PARP16: variants seen among roughly 807,000 people sequenced by gnomAD.
The protein encoded by PARP16 is poly(ADP-ribose) polymerase family member 16, also known as protein mono-ADP-ribosyltransferase PARP16.
In PARP16, 31 loss-of-function variants were observed where a neutral mutation model predicts 35.0. That is an observed-to-expected ratio of 0.88 (90% confidence interval 0.66 to 1.19). The LOEUF (loss-of-function observed/expected upper bound fraction) is 1.19. Ranked by LOEUF, PARP16 falls within the 50% of genes most tolerant of loss-of-function variation. PARP16 has a pLI of 0.00. For synonymous variants in PARP16, 162 were observed against 169.5 expected, an observed-to-expected ratio of 0.96 and a Z score of 0.34; for missense variants, 424 against 411.2, an observed-to-expected ratio of 1.03 and a Z score of -0.27.
At chr15:65,244,643 C>T (rs957060351) in intron 3 of PARP16, among the ~76,000 whole-genome samples, 11 of 152,212 alleles carry the variant, frequency 7.2e-5, no homozygotes, top group Admixed American at 7.2e-4. Context: ...CACAGCCAAG[C>T]CATATGGCTT....
intron 3 of PARP16, among the ~76,000 whole-genome samples, chr15:65,246,360 G>C (rs1270399046): frequency 6.6e-6 from 1 of 152,184 alleles, no homozygotes; most frequent in Non-Finnish European, 1.5e-5. Flanking sequence ...AGCCATTCCA[G>C]AGGCCTTGAG....
chr15:65,254,104 C>T (rs1225857347), downstream of PARP16, among the ~76,000 whole-genome samples: 1 of 152,222 alleles, frequency 6.6e-6, no homozygotes, highest in African/African-American at 2.4e-5. Context: ...TAGCCGTGAA[C>T]CACCGCGCCT....
At chr15:65,243,327 G>A (rs1049602111) in intron 3 of PARP16, among the ~76,000 whole-genome samples, 6 of 151,918 alleles carry the variant, frequency 3.9e-5, no homozygotes, top group African/African-American at 1.5e-4. Flanking sequence ...TCTCAGCTCT[G>A]CAACCTCCGC....
At chr15:65,271,794 CTG>C (rs2090104921) in intron 1 of PARP16, among the ~76,000 whole-genome samples, 1 of 152,172 alleles carries the variant, frequency 6.6e-6, no homozygotes, top group African/African-American at 2.4e-5. Flanking sequence ...CTTTTCCTTT[CTG>C]TGTGAGAATT....
Position 65,258,415 on chromosome 15 carries a change from C to T in PARP16, c.*992G>A, listed in dbSNP as rs2089579791. 1 of 152,248 alleles carries T rather than the reference C, an allele frequency of 6.6e-6. No homozygotes were observed. The highest frequency in any genetic ancestry group is 2.1e-4 in the South Asian group (1 of 4,836). 9.4% of individuals were successfully genotyped at this position (152,248 alleles called of 1,614,324 possible). On this transcript the variant is annotated 3_prime_UTR_variant, in exon 6 of 6. Coordinates refer to ENST00000649807, the MANE Select transcript of PARP16 (RefSeq NM_001316943.2). The stretch of plus-strand genomic sequence containing the variant: ...TCCATCCACATGGATCTGTGGCACA[C>T]TGGGGCAGGCCTCTGTCTTGAAGGC...
chr15:65,285,573 G>A (rs1469160984), intron 1 of PARP16: 6 of 333,622 alleles, frequency 1.8e-5, no homozygotes, highest in Non-Finnish European at 2.9e-5. Context: ...CACTTGACAG[G>A]TCCCAAAGAT....
At chr15:65,262,130 CTTTCTTTTTTTTT>C (rs1327248627) in intron 4 of PARP16, among the ~76,000 whole-genome samples, 1 of 143,028 alleles carries the variant, frequency 7.0e-6, no homozygotes, top group East Asian at 2.0e-4. Context: ...GATCTTTTTT[CTTTCTTTTTTTTT>C]TTTTTTTTGG....
intron 3 of PARP16, among the ~76,000 whole-genome samples, chr15:65,237,016 C>T (rs1009615175): frequency 4.0e-5 from 6 of 151,696 alleles, no homozygotes; most frequent in Non-Finnish European, 8.8e-5. Context: ...GTGTGGAAAG[C>T]TGTTGAAGGG....
chr15:65,237,702 T>A (rs1438305739), intron 3 of PARP16, among the ~76,000 whole-genome samples: 1 of 152,208 alleles, frequency 6.6e-6, no homozygotes, highest in Admixed American at 6.5e-5. Context: ...TGCCAACACC[T>A]TGATTTTGGC....
At chr15:65,252,273 C>G (rs2089382029) in intron 2 of PARP16, among the ~76,000 whole-genome samples, 3 of 152,100 alleles carry the variant, frequency 2.0e-5, no homozygotes, top group African/African-American at 7.2e-5. Context: ...CCCTGGGTGA[C>G]AAGAACAACA....
In PARP16 at chr15:65,286,441, C is replaced by T. The variant is rs1258289162; in HGVS notation, c.-15G>A. The T allele has an allele frequency of 1.7e-5, 25 of 1,467,436 alleles. No homozygotes were observed. Among genetic ancestry groups the T allele is most frequent in the Admixed American group, 2.6e-5 (1 of 38,972 alleles). 90.9% of individuals were successfully genotyped at this position (1,467,436 alleles called of 1,614,324 possible). A position where few individuals can be genotyped will look rare whatever the true frequency, so the allele number is the denominator to read the frequency against. On this transcript the variant is annotated 5_prime_UTR_variant, in exon 1 of 6. Transcript: ENST00000649807. ...GAGGGCTGCATCCCAGGTCACTGCG[C>T]GTTGCCGGGGTAGACGCGCTGGTTA...
downstream of PARP16, among the ~76,000 whole-genome samples, chr15:65,253,532 G>A (rs941218862): frequency 2.0e-5 from 3 of 151,528 alleles, no homozygotes; most frequent in East Asian, 2.0e-4. Context: ...GGGTTTCACT[G>A]TTTTAGCCGG....
chr15:65,263,483 A>C (rs2089802742), intron 3 of PARP16, among the ~76,000 whole-genome samples, 163 bp from the exon 4 acceptor site: 1 of 152,188 alleles, frequency 6.6e-6, no homozygotes. Flanking sequence ...TGATATCATC[A>C]CAGGGTTATT....
chr15:65,271,260 T>C (rs1203950021), intron 1 of PARP16, among the ~76,000 whole-genome samples, 188 bp from the exon 2 acceptor site: 1 of 147,104 alleles, frequency 6.8e-6, no homozygotes, highest in Non-Finnish European at 1.5e-5. Context: ...ATCTGAAAGG[T>C]TTTTTTTTTG....
chr15:65,247,798 C>CTTTTTTTTTTTTT (rs930896140), intron 3 of PARP16, among the ~76,000 whole-genome samples: 1 of 90,994 alleles, frequency 1.1e-5, no homozygotes, highest in African/African-American at 4.4e-5. Flanking sequence ...ATGGATTGTT[C>CTTTTTTTTTTTTT]TTTTTTTTTT....
exon 3 of PARP16, chr15:65,248,199 G>A (rs1438725394): frequency 4.4e-6 from 2 of 456,434 alleles, no homozygotes; most frequent in Non-Finnish European, 8.8e-6. Context: ...CTTTACTCTG[G>A]CCACAGACAC....
intron 3 of PARP16, among the ~76,000 whole-genome samples, chr15:65,240,485 A>G (rs893949956): frequency 2.0e-5 from 3 of 152,128 alleles, no homozygotes; most frequent in Non-Finnish European, 2.9e-5. Context: ...AGCCTCTGAA[A>G]GTGCTGAAAG....
At chr15:65,273,289 AAAAAAG>A (rs1188921785) in intron 1 of PARP16, among the ~76,000 whole-genome samples, 1 of 149,538 alleles carries the variant, frequency 6.7e-6, no homozygotes, top group Non-Finnish European at 1.5e-5. Context: ...AAAAAAAAAA[AAAAAAG>A]AATACCTGTG....
chr15:65,285,895 AG>A (rs1382848296), intron 1 of PARP16, among the ~76,000 whole-genome samples: 1 of 152,200 alleles, frequency 6.6e-6, no homozygotes, highest in Non-Finnish European at 1.5e-5. Context: ...TATTTGCAAA[AG>A]GATGGATAAC....
Sources: gnomAD v4.1 joint callset for allele counts (sites outside exome capture counted in the v4.1 genomes callset) on GRCh38, gnomAD v4.1.1 for gene constraint, MANE v1.5 for transcripts, NCBI Gene and HGNC (gene_info 2026-07-23, HGNC 2026-07-21) for gene names.